Variants in EYA3 observed in about 807,000 individuals in gnomAD.
The protein encoded by EYA3 is protein phosphatase EYA3.
EYA3 carries 39 observed loss-of-function variants against 80.0 expected under a neutral mutation model. That is an observed-to-expected ratio of 0.49 (90% confidence interval 0.38 to 0.64). The LOEUF is 0.64. EYA3 is among the 30% of genes least tolerant of loss of function. EYA3 has a pLI of 0.00. For synonymous variants in EYA3, 206 were observed against 232.8 expected, an observed-to-expected ratio of 0.88 and a Z score of 1.05; for missense variants, 523 against 676.1, an observed-to-expected ratio of 0.77 and a Z score of 2.51.
chr1:28,043,880 G>A (rs771774432), intron 3 of EYA3, among the ~76,000 whole-genome samples: 1 of 151,910 alleles, frequency 6.6e-6, no homozygotes, highest in Admixed American at 6.6e-5. Context: ...AAAATTATAC[G>A]TTTGTTTCCA....
At chr1:28,031,975 T>C (rs1643166588) in intron 6 of EYA3, 1 of 152,164 alleles carries the variant, frequency 6.6e-6, no homozygotes, top group Admixed American at 6.6e-5. Flanking sequence ...GGTTTTAACC[T>C]GCTGTTTCTA....
chr1:27,998,918 G>A lies in EYA3; in HGVS notation c.1083+1042C>T, dbSNP rs192801827. Among the ~76,000 whole-genome samples the A allele has an allele frequency of 2.1e-3, 321 of 152,014 alleles. 1 individual carries two copies. The highest frequency in any genetic ancestry group is 3.2e-3 in the African/African-American group (134 of 41,470). ...TGAGTAGCTGGGATTACAGGTGTGC[G>A]CCACCATGCCCGGCTAATTTTTGTA... On this transcript the variant is annotated intron_variant, in intron 12 of 17. Transcript: ENST00000373871.
At chr1:28,033,662 TATTATTA>T (rs1557595815) in intron 6 of EYA3, among the ~76,000 whole-genome samples, 1 of 147,224 alleles carries the variant, frequency 6.8e-6, no homozygotes, top group Non-Finnish European at 1.5e-5. Flanking sequence ...TTATTATTAT[TATTATTA>T]TTTTTGAGAC....
intron 10 of EYA3, 100 bp from the exon 11 acceptor site, chr1:28,004,519 G>GGA: frequency 1.2e-6 from 1 of 809,506 alleles, no homozygotes; most frequent in Non-Finnish European, 2.0e-6. Context: ...TCATAAATAT[G>GGA]TAGGAATTAA....
At chr1:27,977,461 A>C in intron 17 of EYA3, 1 of 1,418,388 alleles carries the variant, frequency 7.1e-7, no homozygotes, top group East Asian at 2.5e-5. Context: ...AGGATACTCA[A>C]AGAGGATAAT....
intron 1 of EYA3, among the ~76,000 whole-genome samples, chr1:28,066,594 T>C (rs1301940679): frequency 1.3e-5 from 2 of 151,830 alleles, no homozygotes; most frequent in Non-Finnish European, 2.9e-5. Flanking sequence ...CAAAAAACTT[T>C]GGAGAAAACA....
intron 1 of EYA3, among the ~76,000 whole-genome samples, chr1:28,085,538 CAAGT>C (rs1051243998): frequency 1.2e-4 from 19 of 152,186 alleles, no homozygotes; most frequent in Non-Finnish European, 1.6e-4. Context: ...ACAAACAAAA[CAAGT>C]AAGACAAAGT....
intron 7 of EYA3, among the ~76,000 whole-genome samples, chr1:28,025,989 C>T (rs952056395): frequency 2.6e-5 from 4 of 152,112 alleles, no homozygotes; most frequent in African/African-American, 9.7e-5. Flanking sequence ...CAACTCCCAA[C>T]CTCAGGTGAT....
intron 8 of EYA3, among the ~76,000 whole-genome samples, chr1:28,015,142 A>G (rs1460813023): frequency 6.6e-6 from 1 of 152,240 alleles, no homozygotes; most frequent in South Asian, 2.1e-4. Context: ...GCAATAAAAT[A>G]TATGTCAAAT....
Position 28,022,315 on chromosome 1 carries a change from A to AT in EYA3, c.500-5077dup, listed in dbSNP as rs370071779. ...AAGCACCCACCACCACACCCAGATAATTTTTTGTATTTTTAGTAGAGACAG... is the reference window on the plus strand; with the variant it reads ...AAGCACCCACCACCACACCCAGATAATTTTTTTGTATTTTTAGTAGAGACAG... On this transcript the variant is annotated intron_variant, in intron 7 of 17. Coordinates refer to ENST00000373871, the MANE Select transcript of EYA3 (RefSeq NM_001990.4). Among the ~76,000 whole-genome samples, 696 of 151,906 alleles carry AT rather than the reference A, an allele frequency of 4.6e-3. 5 individuals are homozygous for AT. The highest frequency in any genetic ancestry group is 0.016 in the African/African-American group (666 of 41,438).
At chr1:27,982,760 AT>A (rs1427932983) in intron 16 of EYA3, among the ~76,000 whole-genome samples, 3 of 150,890 alleles carry the variant, frequency 2.0e-5, no homozygotes, top group Non-Finnish European at 4.4e-5. Context: ...TAATTTTTGT[AT>A]TTTTTGCAGA....
chr1:27,988,533 AC>A lies in EYA3; in HGVS notation c.1540+1del. The A allele has an allele frequency of 6.2e-7, 1 of 1,612,520 alleles. No homozygotes were observed. Among genetic ancestry groups the A allele is most frequent in the Non-Finnish European group, 8.5e-7 (1 of 1,179,598 alleles). On this transcript the variant is annotated splice_donor_variant, in intron 16 of 17. Transcript: ENST00000373871. LOFTEE classifies it high-confidence loss of function. ...TGACAAGAAACAGCATAGAAACCAT[AC>A]CAATTTTGGTAGCACTATAGATGTT...
intron 7 of EYA3, among the ~76,000 whole-genome samples, chr1:28,022,443 C>T (rs375336965): frequency 5.3e-5 from 8 of 152,132 alleles, no homozygotes; most frequent in East Asian, 1.9e-4. Context: ...CCACCGCGCC[C>T]GGCCTAAAAG....
intron 7 of EYA3, among the ~76,000 whole-genome samples, chr1:28,022,289 C>T (rs1468945463): frequency 1.3e-5 from 2 of 152,214 alleles, no homozygotes; most frequent in African/African-American, 4.8e-5. Context: ...GCTGGGACTA[C>T]AAGCACCCAC....
At chr1:27,976,854 A>T (rs1020853678) in intron 17 of EYA3, 1 of 197,810 alleles carries the variant, frequency 5.1e-6, no homozygotes, top group Non-Finnish European at 9.1e-6. Context: ...AGTAGCTGGG[A>T]TTACAGGAGT....
chr1:28,077,348 C>G (rs1645258961), intron 1 of EYA3, among the ~76,000 whole-genome samples: 1 of 151,990 alleles, frequency 6.6e-6, no homozygotes, highest in Admixed American at 6.6e-5. Context: ...TCAGGTGATC[C>G]GCCTGCCTCA....
At chr1:28,053,410 AT>A (rs1342313753) in intron 2 of EYA3, among the ~76,000 whole-genome samples, 1 of 152,188 alleles carries the variant, frequency 6.6e-6, no homozygotes, top group African/African-American at 2.4e-5. Flanking sequence ...ATAAATCAGC[AT>A]TCTATTTTTG....
intron 2 of EYA3, among the ~76,000 whole-genome samples, chr1:28,053,293 A>T (rs1262068592): frequency 6.6e-6 from 1 of 152,168 alleles, no homozygotes; most frequent in Non-Finnish European, 1.5e-5. Flanking sequence ...GAATTGTAGG[A>T]TATGTAAATT....
chr1:27,975,772 C>T (rs973402696), intron 17 of EYA3, among the ~76,000 whole-genome samples: 2 of 151,888 alleles, frequency 1.3e-5, no homozygotes, highest in Non-Finnish European at 2.9e-5. Context: ...GCGTGAGCCA[C>T]CGTGCCCGGC....
Sources: allele counts gnomAD v4.1 joint callset (sites outside exome capture counted in the v4.1 genomes callset), GRCh38; gene constraint gnomAD v4.1.1; transcripts MANE v1.5; gene names NCBI Gene and HGNC (gene_info 2026-07-23, HGNC 2026-07-21).